The following DAAM1 variants were observed in gnomAD, a reference collection of about 807,000 sequenced individuals.
The protein encoded by DAAM1 is disheveled-associated activator of morphogenesis 1.
DAAM1 carries 52 observed loss-of-function variants against 130.0 expected under a neutral mutation model. That is an observed-to-expected ratio of 0.40 (90% confidence interval 0.32 to 0.50). DAAM1 has a LOEUF of 0.50. DAAM1 is among the 20% of genes least tolerant of loss of function. The pLI is 0.61. For synonymous variants in DAAM1, 452 were observed against 444.5 expected (o/e 1.02, Z -0.21); for missense variants, 1,134 against 1,303.8 (o/e 0.87, Z 2.01).
intron 1 of DAAM1, among the ~76,000 whole-genome samples, chr14:59,256,361 T>A (rs933555501): frequency 2.0e-5 from 3 of 152,206 alleles, no homozygotes; most frequent in African/African-American, 7.2e-5. Flanking sequence ...GTTGCTACAT[T>A]GAGAGTCTTG....
intron 3 of DAAM1, among the ~76,000 whole-genome samples, chr14:59,312,429 AC>A (rs1470025694): frequency 6.6e-6 from 1 of 152,236 alleles, no homozygotes; most frequent in Non-Finnish European, 1.5e-5. Flanking sequence ...CAAAGAGGTT[AC>A]TTAAGAGTCA....
chr14:59,307,925 T>C (rs527581583), intron 3 of DAAM1, among the ~76,000 whole-genome samples: 2 of 152,354 alleles, frequency 1.3e-5, no homozygotes, highest in East Asian at 1.9e-4. Context: ...CTCAGTCTTA[T>C]AATGAGAAAA....
intron 18 of DAAM1, 145 bp downstream of exon 18, chr14:59,352,777 T>G (rs534348102): frequency 2.8e-6 from 2 of 716,982 alleles, no homozygotes; most frequent in Non-Finnish European, 4.5e-6. Flanking sequence ...CAAGTCTGAG[T>G]GATGTGGAAT....
chr14:59,319,417 A>C (rs1884916909), intron 4 of DAAM1, among the ~76,000 whole-genome samples: 1 of 152,132 alleles, frequency 6.6e-6, no homozygotes, highest in Admixed American at 6.5e-5. Context: ...ACTCTTGATG[A>C]GTTATGGTCC....
intron 1 of DAAM1, among the ~76,000 whole-genome samples, chr14:59,199,564 T>G (rs1485383164): frequency 1.3e-5 from 2 of 152,258 alleles, no homozygotes; most frequent in Non-Finnish European, 2.9e-5. Flanking sequence ...CTCTAGTGCC[T>G]AATGCACAGC....
intron 1 of DAAM1, among the ~76,000 whole-genome samples, chr14:59,247,768 C>G (rs7153158): frequency 0.25 from 38,021 of 151,246 alleles, 5,189 homozygotes; most frequent in East Asian, 0.5. Flanking sequence ...ATTTCCTTCT[C>G]TAGAAGGAGC....
chr14:59,275,446 A>T (rs1882923864), intron 2 of DAAM1, among the ~76,000 whole-genome samples: 1 of 152,186 alleles, frequency 6.6e-6, no homozygotes, highest in African/African-American at 2.4e-5. Flanking sequence ...TAAAAAAAAA[A>T]TTTATCTAGT....
chr14:59,191,077 CTGCT>C (rs1347263536), intron 1 of DAAM1, among the ~76,000 whole-genome samples: 2 of 152,152 alleles, frequency 1.3e-5, no homozygotes, highest in South Asian at 2.1e-4. Context: ...TGTTTCCCCT[CTGCT>C]TGCATTTTAT....
In DAAM1 at chr14:59,254,015, T is replaced by C. The variant is rs549116101; in HGVS notation, c.-37-9426T>C. ...TAATATATTTCTTTTTTAAACAATG[T>C]CTTTTAATATTATTTGCATTTTCTA... On this transcript the variant is annotated intron_variant, in intron 1 of 24. Coordinates refer to ENST00000360909, the MANE Select transcript of DAAM1 (RefSeq NM_001270520.2). Among the ~76,000 whole-genome samples the C allele has an allele frequency of 5.9e-5, 9 of 152,352 alleles. No individual in the cohort carries two copies. In the South Asian group the frequency reaches 1.9e-3, roughly 32 times the overall value.
At chr14:59,347,698 G>A (rs1473698819) in intron 17 of DAAM1, 75 bp downstream of exon 17, 32 of 1,392,848 alleles carry the variant, frequency 2.3e-5, no homozygotes, top group Admixed American at 1.4e-4. Flanking sequence ...GAGAACATCC[G>A]GTTGTTGCTA....
intron 1 of DAAM1, among the ~76,000 whole-genome samples, chr14:59,214,251 C>T (rs995924827): frequency 1.3e-5 from 2 of 152,172 alleles, no homozygotes; most frequent in Non-Finnish European, 2.9e-5. Context: ...CTTTGTCTTT[C>T]TTGTATACGT....
intron 1 of DAAM1, among the ~76,000 whole-genome samples, chr14:59,191,770 G>A (rs750163476): frequency 2.6e-5 from 4 of 152,110 alleles, no homozygotes; most frequent in Non-Finnish European, 5.9e-5. Context: ...TGTGTGACAC[G>A]TGAATAGGGA....
intron 3 of DAAM1, among the ~76,000 whole-genome samples, chr14:59,310,399 C>G (rs569594668): frequency 3.2e-4 from 48 of 152,222 alleles, no homozygotes; most frequent in African/African-American, 1.0e-3. Context: ...TCCCAAAGTG[C>G]TGGGATTACA....
chr14:59,289,137 G>C (rs1268366327), intron 2 of DAAM1, among the ~76,000 whole-genome samples: 1 of 151,974 alleles, frequency 6.6e-6, no homozygotes, highest in South Asian at 2.1e-4. Flanking sequence ...GGCTGGTCTT[G>C]ATCTCCTGAC....
chr14:59,331,213 C>A lies in DAAM1; in HGVS notation c.1565C>A (p.Ala522Asp). ...TTCCTATTTTTATCTTTTCAGAGGG[C>A]CGTCTGTGCTTCAATCCCAGGTGGA... ...TAQLHELSRR[A>D]VCASIPGGPS... Residue 522 changes from alanine to aspartate, a missense_variant, in exon 14 of 25, where the codon GCC (alanine) becomes GAC (aspartate). Transcript: ENST00000360909. The A allele has an allele frequency of 6.2e-7, 1 of 1,612,538 alleles. No homozygotes were observed. The highest frequency in any genetic ancestry group is 1.1e-5 in the South Asian group (1 of 90,974).
chr14:59,333,682 A>G (rs1045887597), intron 15 of DAAM1, among the ~76,000 whole-genome samples: 2 of 152,238 alleles, frequency 1.3e-5, no homozygotes, highest in African/African-American at 4.8e-5. Context: ...GAGAACGTAG[A>G]GAAGTAAATT....
At chr14:59,348,485 G>A (rs967179359) in intron 17 of DAAM1, among the ~76,000 whole-genome samples, 25 of 152,150 alleles carry the variant, frequency 1.6e-4, no homozygotes, top group African/African-American at 6.0e-4. Context: ...GTCTCTGAAT[G>A]CTATAAGATC....
intron 20 of DAAM1, among the ~76,000 whole-genome samples, chr14:59,356,978 G>A (rs1886505646): frequency 6.6e-6 from 1 of 152,222 alleles, no homozygotes; most frequent in Non-Finnish European, 1.5e-5. Flanking sequence ...ACGTTGTTCA[G>A]TTGAATCTAA....
At chr14:59,219,001 G>A (rs1302230694) in intron 1 of DAAM1, among the ~76,000 whole-genome samples, 1 of 152,178 alleles carries the variant, frequency 6.6e-6, no homozygotes, top group African/African-American at 2.4e-5. Flanking sequence ...GAAGTTTCAG[G>A]TAAAAGGACA....
Sources: gnomAD v4.1 joint callset for allele counts (sites outside exome capture counted in the v4.1 genomes callset) on GRCh38, gnomAD v4.1.1 for gene constraint, MANE v1.5 for transcripts, NCBI Gene and HGNC (gene_info 2026-07-23, HGNC 2026-07-21) for gene names.